Variants in RASGRF1 observed in about 807,000 individuals in gnomAD.
The protein encoded by RASGRF1 is Ras protein specific guanine nucleotide releasing factor 1.
A neutral mutation model predicts 138.7 loss-of-function variants in RASGRF1; 40 were observed. The observed-to-expected ratio is 0.29, with a 90% CI of 0.22 to 0.38. RASGRF1 has a LOEUF of 0.38. RASGRF1 is among the 10% of genes least tolerant of loss of function. The pLI is 1.00. For synonymous variants in RASGRF1, 614 were observed against 663.2 expected, an observed-to-expected ratio of 0.93 and a Z score of 1.14; for missense variants, 1,108 against 1,650.4, an observed-to-expected ratio of 0.67 and a Z score of 5.69.
intron 1 of RASGRF1, among the ~76,000 whole-genome samples, chr15:79,075,346 C>A (rs1490912700): frequency 6.6e-6 from 1 of 152,200 alleles, no homozygotes; most frequent in Non-Finnish European, 1.5e-5. Flanking sequence ...CACCTGTGGC[C>A]TCAGTTGACC....
intron 1 of RASGRF1, among the ~76,000 whole-genome samples, chr15:79,068,621 C>T (rs1217431557): frequency 6.6e-6 from 1 of 150,902 alleles, no homozygotes; most frequent in East Asian, 1.9e-4. Flanking sequence ...TATATACACA[C>T]ACACACACGC....
intron 4 of RASGRF1, 78 bp downstream of exon 4, chr15:79,049,418 G>A: frequency 3.0e-6 from 4 of 1,340,782 alleles, no homozygotes; most frequent in Non-Finnish European, 4.2e-6. Flanking sequence ...TGGGGCTGTG[G>A]TGTGGATACT....
chr15:78,998,120 C>T lies in RASGRF1; in HGVS notation c.2942G>A (p.Arg981Gln), dbSNP rs753179886. The change falls in exon 19 of 27, where the codon CGG becomes CAG. Residue 981 changes from arginine (R) to glutamine (Q), a missense_variant. By Grantham distance (43) the Arg-to-Gln change is conservative (BLOSUM62 1). This residue lies in a region of RASGRF1 where 686 missense variants were observed against 976.7 expected (regional missense o/e 0.70). Coordinates refer to ENST00000558480, the MANE Select transcript of RASGRF1 (RefSeq NM_001145648.3). ...CCTGATGATGTTGGCTGCAGCCTTCCGCTCCTGGGTCAGGAGCTCCGGGTC... is the reference window on the plus strand; with the variant it reads ...CCTGATGATGTTGGCTGCAGCCTTCTGCTCCTGGGTCAGGAGCTCCGGGTC... ...MHDPELLTQE[R>Q]KAAANIIRTL... is the part of the protein sequence containing the mutation. 5.0e-6 allele frequency: 8 copies of T among 1,613,956 alleles called. No individual in the cohort carries two copies. Among genetic ancestry groups the T allele is most frequent in the South Asian group, 2.2e-5 (2 of 91,088 alleles).
rs112998447 is a variant in RASGRF1, at chr15:79,027,918, G to A, written c.1263-59C>T. The A allele has an allele frequency of 4.7e-4, 730 of 1,544,052 alleles. 2 individuals carry two copies. The African/African-American group carries it at 8.6e-3, about 18-fold the overall frequency. ...GGCTGCCCCTACTTCCCAGGGAGGCGAGAATGCCAGGCTTCTGGCCAGACC... is the reference window on the plus strand; with the variant it reads ...GGCTGCCCCTACTTCCCAGGGAGGCAAGAATGCCAGGCTTCTGGCCAGACC... On this transcript the variant is annotated intron_variant, in intron 8 of 26. Transcript: ENST00000558480. The surrounding 1 kb of genome is among the most constrained non-coding windows in gnomAD (Gnocchi z 4.8).
In RASGRF1 at chr15:79,046,724, G is replaced by A; in HGVS notation, c.878+22C>T. 1.9e-6 allele frequency: 3 copies of A among 1,610,712 alleles called. No homozygotes were observed. Among genetic ancestry groups the A allele is most frequent in the Non-Finnish European group, 2.5e-6 (3 of 1,177,018 alleles). The stretch of plus-strand genomic sequence containing the variant: ...GCTCACTAGTCTCCTTCCTGCCTTG[G>A]CCAACCTTTAGGGGTGCTCACCTGT... On this transcript the variant is annotated intron_variant, in intron 5 of 26. Coordinates refer to ENST00000558480, the MANE Select transcript of RASGRF1 (RefSeq NM_001145648.3). The surrounding 1 kb of genome is among the most constrained non-coding windows in gnomAD (Gnocchi z 5.3).
At chr15:78,980,518 G>T in intron 24 of RASGRF1, 102 bp downstream of exon 24, 1 of 900,368 alleles carries the variant, frequency 1.1e-6, no homozygotes, top group Non-Finnish European at 1.7e-6. Context: ...CGAACAGACA[G>T]ACAGAAAGAC....
chr15:78,991,770 A>G lies in RASGRF1; in HGVS notation c.3052T>C (p.Phe1018Leu). Residue 1018 changes from phenylalanine (F) to leucine (L), a missense_variant, in exon 21 of 27, where the codon TTT becomes CTT. Coordinates refer to ENST00000558480, the MANE Select transcript of RASGRF1 (RefSeq NM_001145648.3). ...QMAEGVKAEP[F>L]ENHSALEIAE... ...ATCTCCAGGGCTGAGTGGTTTTCAA[A>G]GGGCTCAGCCTTCACGCCTTCAGCC... 1 of 1,613,960 alleles carries G rather than the reference A, an allele frequency of 6.2e-7. No homozygotes were observed. The highest frequency in any genetic ancestry group is 1.1e-5 in the South Asian group (1 of 91,072).
chr15:79,064,422 G>C lies in RASGRF1; in HGVS notation c.381C>G (p.Ala127=). ...CDEWVAAIAH[A]SYRTLATEHE... is the part of the protein sequence containing the mutation. Reference sequence around the variant, plus strand: ...CTGCCCTGGGCAAGGAGACATACCTGGCATGTGCAATGGCTGCCACCCATT... The same window carrying C: ...CTGCCCTGGGCAAGGAGACATACCTCGCATGTGCAATGGCTGCCACCCATT... Residue 127 remains alanine (A), a splice_region_variant and synonymous_variant, in exon 2 of 27, where the codon GCC becomes GCG. Transcript: ENST00000558480. 6.2e-7 allele frequency: 1 copy of C among 1,613,636 alleles called. No homozygotes were observed. Among genetic ancestry groups the C allele is most frequent in the South Asian group, 1.1e-5 (1 of 91,052 alleles).
At chr15:78,988,076 A>C (rs2056198186) in intron 22 of RASGRF1, among the ~76,000 whole-genome samples, 1 of 152,228 alleles carries the variant, frequency 6.6e-6, no homozygotes, top group Non-Finnish European at 1.5e-5. Context: ...ATTTGAACAG[A>C]GATGGCCAAA....
chr15:79,033,060 G>C (rs577420996), intron 6 of RASGRF1, among the ~76,000 whole-genome samples: 7 of 152,232 alleles, frequency 4.6e-5, no homozygotes, highest in Admixed American at 3.3e-4. Context: ...GTCCAAGCAG[G>C]GCTTCCAGGC....
chr15:78,962,095 C>T lies in RASGRF1; in HGVS notation c.*49G>A. Reference sequence around the variant, plus strand: ...GAAACCAAACGAATATGTACAGTATCATCTAGCACATGTCCCCGGGAGCAG... The same window carrying T: ...GAAACCAAACGAATATGTACAGTATTATCTAGCACATGTCCCCGGGAGCAG... On this transcript the variant is annotated 3_prime_UTR_variant, in exon 27 of 27. Transcript: ENST00000558480. 1 of 1,159,216 alleles carries T rather than the reference C, an allele frequency of 8.6e-7. No homozygotes were observed. Among genetic ancestry groups the T allele is most frequent in the Non-Finnish European group, 1.3e-6 (1 of 786,812 alleles). 71.8% of individuals were successfully genotyped at this position (1,159,216 alleles called of 1,614,324 possible).
chr15:79,021,075 C>G (rs2056954480), intron 10 of RASGRF1, among the ~76,000 whole-genome samples: 1 of 152,164 alleles, frequency 6.6e-6, no homozygotes, highest in Admixed American at 6.5e-5. Context: ...AAAGGATACC[C>G]CGGCCCCAGT....
intron 14 of RASGRF1, chr15:79,005,280 G>A (rs993627691): frequency 1.0e-6 from 1 of 985,794 alleles, no homozygotes; most frequent in Non-Finnish European, 1.2e-6. Context: ...TGGATTGGGG[G>A]AGGAATGGTG....
chr15:79,074,524 C>T (rs1248057408), intron 1 of RASGRF1, among the ~76,000 whole-genome samples: 3 of 152,262 alleles, frequency 2.0e-5, no homozygotes, highest in South Asian at 2.1e-4. Flanking sequence ...TTCACCTGGG[C>T]GGGAGGCCCA....
In RASGRF1 at chr15:79,017,897, G is replaced by A. The variant is rs566305773; in HGVS notation, c.1616C>T (p.Ser539Phe). ...PESTEEEAKG[S>F]GQDIDHLDFK... ...ATCCAAGTGATCTATGTCTTGGCCG[G>A]ATCCTTTGGCTTCCAGTTGTAAAAC... The change falls in exon 12 of 27, where the codon TCC becomes TTC. Residue 539 changes from serine to phenylalanine, a missense_variant. Physicochemically the swap from Ser to Phe is radical, Grantham distance 155 (BLOSUM62 -2). Coordinates refer to ENST00000558480, the MANE Select transcript of RASGRF1 (RefSeq NM_001145648.3). The A allele has an allele frequency of 4.4e-5, 71 of 1,612,136 alleles. 1 individual carries two copies. In the South Asian group the frequency reaches 7.6e-4, roughly 17 times the overall value.
At chr15:78,983,835 C>T (rs1486348975) in intron 23 of RASGRF1, among the ~76,000 whole-genome samples, 1 of 152,244 alleles carries the variant, frequency 6.6e-6, no homozygotes, top group Non-Finnish European at 1.5e-5. Context: ...AGAGTAGCAT[C>T]TTTCACGGTC....
chr15:79,001,596 CGACTT>C, intron 16 of RASGRF1, 61 bp downstream of exon 16: 1 of 1,545,362 alleles, frequency 6.5e-7, no homozygotes, highest in Non-Finnish European at 8.8e-7. Flanking sequence ...TGCCTTGACT[CGACTT>C]GACCTACTGC....
intron 5 of RASGRF1, among the ~76,000 whole-genome samples, chr15:79,045,401 C>T (rs2057343692): frequency 6.6e-6 from 1 of 152,238 alleles, no homozygotes; most frequent in Non-Finnish European, 1.5e-5. Flanking sequence ...ATTTCACACA[C>T]ACCTAATTCT....
rs1449049813 is a variant in RASGRF1 at position 79,039,423 on chromosome 15, T to A, written c.879-4213A>T. On this transcript the variant is annotated intron_variant, in intron 5 of 26. Coordinates refer to ENST00000558480, the MANE Select transcript of RASGRF1 (RefSeq NM_001145648.3). ...TTGTTTTTGTTATTTTACAATATATTTATAAGCCTTTATAATATATTTTAA... is the reference window on the plus strand; with the variant it reads ...TTGTTTTTGTTATTTTACAATATATATATAAGCCTTTATAATATATTTTAA... Among the ~76,000 whole-genome samples, 3 of 152,190 alleles carry A rather than the reference T, an allele frequency of 2.0e-5. No homozygotes were observed. The East Asian group carries it at 5.8e-4, about 29-fold the overall frequency.
Sources: allele counts gnomAD v4.1 joint callset (sites outside exome capture counted in the v4.1 genomes callset), GRCh38; gene constraint gnomAD v4.1.1; regional missense constraint gnomAD v4.1.1; non-coding constraint Gnocchi (gnomAD v3.1); transcripts MANE v1.5; gene names NCBI Gene and HGNC (gene_info 2026-07-23, HGNC 2026-07-21).